GPR158: variants seen among roughly 807,000 people sequenced by gnomAD.
GPR158 encodes G protein-coupled receptor 158.
Under a neutral mutation model 78.2 loss-of-function variants are expected in GPR158, and 30 were observed. The ratio of observed to expected loss-of-function variants is 0.38; its 90% CI spans 0.29 to 0.52. GPR158 has a LOEUF of 0.52. GPR158 is among the 20% of genes least tolerant of loss of function. GPR158 has a pLI of 0.83. For synonymous variants in GPR158, 581 were observed against 591.1 expected (o/e 0.98, Z 0.25); for missense variants, 1,463 against 1,523.5 (o/e 0.96, Z 0.66).
chr10:25,598,259 A>T lies in GPR158; in HGVS notation c.2633A>T (p.Lys878Met). 1 of 1,614,124 alleles carries T rather than the reference A, an allele frequency of 6.2e-7. No homozygotes were observed. The highest frequency in any genetic ancestry group is 8.5e-7 in the Non-Finnish European group (1 of 1,180,024). Reference sequence around the variant, plus strand: ...ACGGAGTCGGTGCCGTTGGTGTGCAAGTCAGCAAGCGCTCACAACCTCAGC... The same window carrying T: ...ACGGAGTCGGTGCCGTTGGTGTGCATGTCAGCAAGCGCTCACAACCTCAGC... ...ESTESVPLVC[K>M]SASAHNLSSE... The change falls in exon 11 of 11, where the codon AAG (lysine) becomes ATG (methionine). Residue 878 changes from lysine to methionine, a missense_variant. By Grantham distance (95) the Lys-to-Met change is moderately conservative. Coordinates refer to ENST00000376351, the MANE Select transcript of GPR158 (RefSeq NM_020752.3).
At position 25,572,707 on chromosome 10, in the gene GPR158, C is replaced by T. The variant is rs143713985; in HGVS notation, c.1573C>T (p.Arg525Trp). Residue 525 changes from arginine (R) to tryptophan (W), a missense_variant, in exon 7 of 11, where the codon CGG becomes TGG. Coordinates refer to ENST00000376351, the MANE Select transcript of GPR158 (RefSeq NM_020752.3). ...AQRIPYMTGG[R>W]VMRMLAVILL... ...ACGAATTCCATATATGACTGGCGGA[C>T]GGGTCATGAGGATGCTGGCAGTAAT... is the stretch of plus-strand genomic sequence containing the variant. 2,190 of 1,613,926 alleles carry T rather than the reference C, an allele frequency of 1.4e-3. 66 individuals carry two copies. The East Asian group carries it at 0.041, about 31-fold the overall frequency.
In GPR158 at chr10:25,423,194, TAC is replaced by T. The variant is rs527461276; in HGVS notation, c.1335+10732_1335+10733del. ...GTATATATGTATATACACACATATATACACACACACACCACATTTTCTTTATC... is the reference window on the plus strand; with the variant it reads ...GTATATATGTATATACACACATATATACACACACACCACATTTTCTTTATC... On this transcript the variant is annotated intron_variant, in intron 4 of 10. Coordinates refer to ENST00000376351, the MANE Select transcript of GPR158 (RefSeq NM_020752.3). Among the ~76,000 whole-genome samples, 4 of 150,432 alleles carry T rather than the reference TAC, an allele frequency of 2.7e-5. No homozygotes were observed. In the East Asian group the frequency reaches 5.9e-4, roughly 22 times the overall value.
chr10:25,346,020 A>G (rs1339833762), intron 2 of GPR158, among the ~76,000 whole-genome samples: 1 of 151,968 alleles, frequency 6.6e-6, no homozygotes, highest in Non-Finnish European at 1.5e-5. Flanking sequence ...TAGGAAACTA[A>G]TTTAAATATA....
chr10:25,529,062 T>C (rs1836389206), intron 5 of GPR158, among the ~76,000 whole-genome samples: 1 of 151,992 alleles, frequency 6.6e-6, no homozygotes, highest in South Asian at 2.1e-4. Context: ...GATAAATATA[T>C]GGGAGGAAGT....
intron 2 of GPR158, among the ~76,000 whole-genome samples, chr10:25,352,700 T>C (rs1588817954): frequency 6.6e-6 from 1 of 152,134 alleles, no homozygotes; most frequent in East Asian, 1.9e-4. Context: ...ACCTTCTAGT[T>C]CTAAGAGGAT....
chr10:25,292,157 AT>A (rs1854447993), intron 2 of GPR158, among the ~76,000 whole-genome samples: 1 of 151,964 alleles, frequency 6.6e-6, no homozygotes, highest in South Asian at 2.1e-4. Flanking sequence ...TTATGTATCA[AT>A]TGGTTTATAA....
intron 2 of GPR158, among the ~76,000 whole-genome samples, chr10:25,360,336 C>T (rs1416235615): frequency 6.6e-6 from 1 of 152,042 alleles, no homozygotes; most frequent in African/African-American, 2.4e-5. Context: ...ATGCCTATGT[C>T]CTGAATGGTA....
chr10:25,433,040 T>A (rs1834934058), intron 4 of GPR158, among the ~76,000 whole-genome samples: 1 of 152,202 alleles, frequency 6.6e-6, no homozygotes, highest in Admixed American at 6.5e-5. Flanking sequence ...ATTCTTACAG[T>A]CACCATTTTA....
At chr10:25,432,467 A>G (rs932975627) in intron 4 of GPR158, among the ~76,000 whole-genome samples, 3 of 152,230 alleles carry the variant, frequency 2.0e-5, no homozygotes, top group Admixed American at 2.0e-4. Flanking sequence ...AAGATTTACA[A>G]ATACCTGCAT....
chr10:25,179,007 A>T (rs989684570), intron 1 of GPR158, among the ~76,000 whole-genome samples: 2 of 152,176 alleles, frequency 1.3e-5, no homozygotes, highest in African/African-American at 2.4e-5. Context: ...ATTCTCTATC[A>T]TTACTTATGA....
intron 2 of GPR158, among the ~76,000 whole-genome samples, chr10:25,371,005 G>A (rs1329858509): frequency 6.9e-6 from 1 of 144,136 alleles, no homozygotes; most frequent in African/African-American, 2.6e-5. Flanking sequence ...GCCTTTTTTT[G>A]TTTTCCATTG....
intron 1 of GPR158, among the ~76,000 whole-genome samples, chr10:25,185,884 A>G (rs545812579): frequency 6.6e-6 from 1 of 152,288 alleles, no homozygotes; most frequent in Non-Finnish European, 1.5e-5. Flanking sequence ...CTTAATAGAC[A>G]TCTACAGAAC....
At chr10:25,287,997 T>C (rs1210947691) in intron 2 of GPR158, among the ~76,000 whole-genome samples, 1 of 152,156 alleles carries the variant, frequency 6.6e-6, no homozygotes, top group Admixed American at 6.5e-5. Context: ...GGAACTCCCA[T>C]TGTAACATAA....
intron 1 of GPR158, among the ~76,000 whole-genome samples, chr10:25,207,986 A>C (rs1486802742): frequency 1.3e-5 from 2 of 152,172 alleles, no homozygotes; most frequent in African/African-American, 4.8e-5. Flanking sequence ...TTTTATGCCT[A>C]GTAGTTTGGT....
At chr10:25,403,006 A>G (rs1017047059) in intron 3 of GPR158, among the ~76,000 whole-genome samples, 3 of 151,742 alleles carry the variant, frequency 2.0e-5, no homozygotes, top group Admixed American at 6.6e-5. Flanking sequence ...TCTATTTTTC[A>G]TTTAATTCTC....
At chr10:25,372,530 A>G (rs868783448) in intron 2 of GPR158, among the ~76,000 whole-genome samples, 9 of 146,976 alleles carry the variant, frequency 6.1e-5, no homozygotes, top group Middle Eastern at 3.4e-3. Flanking sequence ...ATGCAGCCAT[A>G]AAAAATGATG....
chr10:25,423,294 C>A (rs1834778927), intron 4 of GPR158, among the ~76,000 whole-genome samples: 1 of 151,864 alleles, frequency 6.6e-6, no homozygotes, highest in Non-Finnish European at 1.5e-5. Context: ...TATAAACATG[C>A]ATATGCAGAT....
chr10:25,351,439 T>A (rs1760715), intron 2 of GPR158, among the ~76,000 whole-genome samples: 5 of 148,314 alleles, frequency 3.4e-5, no homozygotes, highest in Admixed American at 6.8e-5. Context: ...GGTGGGGGGG[T>A]GCTGGAAATG....
chr10:25,375,388 A>AT (rs1345683228), intron 2 of GPR158, among the ~76,000 whole-genome samples: 2 of 151,364 alleles, frequency 1.3e-5, no homozygotes, highest in African/African-American at 2.4e-5. Context: ...CCAATTTTTA[A>AT]TTTTTTTCTT....
Sources: gnomAD v4.1 joint callset for allele counts (sites outside exome capture counted in the v4.1 genomes callset) on GRCh38, gnomAD v4.1.1 for gene constraint, MANE v1.5 for transcripts, NCBI Gene and HGNC (gene_info 2026-07-23, HGNC 2026-07-21) for gene names.